The following ZBBX variants were observed in gnomAD, a reference collection of about 807,000 sequenced individuals.
ZBBX encodes zinc finger B-box domain containing.
A neutral mutation model predicts 108.5 loss-of-function variants in ZBBX; 101 were observed. The ratio of observed to expected loss-of-function variants is 0.93; its 90% CI spans 0.79 to 1.10. The LOEUF (loss-of-function observed/expected upper bound fraction) is 1.10, where lower values mean the gene tolerates loss of function less well. ZBBX is among the 50% of genes least tolerant of loss of function. The pLI, the probability that ZBBX is intolerant of heterozygous loss-of-function variation, is 0.00. For synonymous variants in ZBBX, 356 were observed against 323.4 expected (o/e 1.10, Z -1.08); for missense variants, 1,009 against 941.4 (o/e 1.07, Z -0.94).
downstream of ZBBX, among the ~76,000 whole-genome samples, chr3:167,238,178 C>T (rs943637630): frequency 6.6e-6 from 1 of 151,884 alleles, no homozygotes; most frequent in Non-Finnish European, 1.5e-5. Context: ...CTCATTTTAA[C>T]TATAGATACT....
intron 7 of ZBBX, 75 bp from the exon 8 acceptor site, chr3:167,360,054 C>A: frequency 1.4e-6 from 1 of 691,850 alleles, no homozygotes. Context: ...ATTAATGAAA[C>A]TATGCATACT....
the ZBBX span, among the ~76,000 whole-genome samples, chr3:167,215,930 T>C: frequency 1.3e-5 from 2 of 152,106 alleles, no homozygotes; most frequent in Non-Finnish European, 2.9e-5. Flanking sequence ...AATTCAACAT[T>C]GATTCATGTT....
At chr3:167,194,229 A>ATATATATAT in the ZBBX span, among the ~76,000 whole-genome samples, 2 of 139,820 alleles carry the variant, frequency 1.4e-5, no homozygotes, top group African/African-American at 5.1e-5. Context: ...ATATGTACTA[A>ATATATATAT]ATATATATAT....
intron 7 of ZBBX, 114 bp downstream of exon 7, chr3:167,360,561 G>T: frequency 1.8e-6 from 1 of 545,926 alleles, no homozygotes; most frequent in Non-Finnish European, 2.9e-6. Flanking sequence ...TGATTTGGGG[G>T]TTTAGAATCT....
chr3:167,284,819 T>C (rs1190296793), intron 19 of ZBBX, among the ~76,000 whole-genome samples: 1 of 152,148 alleles, frequency 6.6e-6, no homozygotes, highest in Non-Finnish European at 1.5e-5. Context: ...CTTGATTTTG[T>C]TTATTGTTCT....
Position 167,251,227 on chromosome 3 carries a change from A to T in ZBBX, c.2255-8584T>A, listed in dbSNP as rs555955344. 7.9e-5 allele frequency among the ~76,000 whole-genome samples: 12 copies of T among 152,120 alleles called. No individual in the cohort carries two copies. The East Asian group carries it at 1.4e-3, about 17-fold the overall frequency. On this transcript the variant is annotated intron_variant, in intron 20 of 21. Coordinates refer to ENST00000675490, the MANE Select transcript of ZBBX (RefSeq NM_001199201.2). Reference sequence around the variant, plus strand: ...CTACTTCTACTCAATAAAACTTTGCACTCATTCTCCAAGACCACGTGTGAT... The same window carrying T: ...CTACTTCTACTCAATAAAACTTTGCTCTCATTCTCCAAGACCACGTGTGAT...
At chr3:167,259,666 C>T (rs1030767229) in intron 20 of ZBBX, among the ~76,000 whole-genome samples, 2 of 151,956 alleles carry the variant, frequency 1.3e-5, no homozygotes, top group Non-Finnish European at 2.9e-5. Context: ...GGTTTTGATA[C>T]GTTGTGTCAT....
intron 2 of ZBBX, among the ~76,000 whole-genome samples, chr3:167,374,542 T>G (rs1746647422): frequency 6.6e-6 from 1 of 152,214 alleles, no homozygotes; most frequent in Non-Finnish European, 1.5e-5. Context: ...CATTTGATGC[T>G]GTCATTTATA....
chr3:167,370,934 A>C (rs1746067096), intron 4 of ZBBX, among the ~76,000 whole-genome samples: 1 of 152,198 alleles, frequency 6.6e-6, no homozygotes, highest in African/African-American at 2.4e-5. Context: ...ATTTCTAATC[A>C]ACAAAACAAA....
intron 1 of ZBBX, among the ~76,000 whole-genome samples, chr3:167,386,715 C>A (rs778803215): frequency 2.0e-5 from 3 of 151,984 alleles, no homozygotes; most frequent in Non-Finnish European, 2.9e-5. Context: ...AAAAAGCTGG[C>A]ATTTCAGAGA....
the ZBBX span, among the ~76,000 whole-genome samples, chr3:167,184,078 T>C: frequency 1.3e-5 from 2 of 152,144 alleles, no homozygotes; most frequent in Admixed American, 6.6e-5. Context: ...TGATTATCAA[T>C]AAACACGTGA....
At chr3:167,390,358 T>C (rs1748049683) in intron 1 of ZBBX, among the ~76,000 whole-genome samples, 1 of 152,252 alleles carries the variant, frequency 6.6e-6, no homozygotes. Flanking sequence ...GCTGTTTTGG[T>C]TACCATAGCC....
chr3:167,208,450 TG>T, the ZBBX span, among the ~76,000 whole-genome samples: 4 of 152,222 alleles, frequency 2.6e-5, no homozygotes, highest in African/African-American at 9.6e-5. Flanking sequence ...CAGAGGGCTT[TG>T]TTTTGCAACT....
chr3:167,210,884 C>T, the ZBBX span, among the ~76,000 whole-genome samples: 1 of 152,086 alleles, frequency 6.6e-6, no homozygotes. Context: ...CAGATTTCAT[C>T]AACTCCAGCT....
chr3:167,231,340 G>T, the ZBBX span, among the ~76,000 whole-genome samples: 1 of 151,792 alleles, frequency 6.6e-6, no homozygotes, highest in Non-Finnish European at 1.5e-5. Context: ...AGCAGTCAGT[G>T]AAATAAAAGC....
chr3:167,284,190 A>C lies in ZBBX; in HGVS notation c.1997-1695T>G, dbSNP rs963414039. Among the ~76,000 whole-genome samples the C allele has an allele frequency of 8.8e-5, 13 of 147,176 alleles. No individual in the cohort carries two copies. In the South Asian group the frequency reaches 1.9e-3, roughly 22 times the overall value. ...CTAAGTGTTAAAAACATATATCTAT[A>C]TCTATATATATATATAATTATCCCT... is the stretch of plus-strand genomic sequence containing the variant. On this transcript the variant is annotated intron_variant, in intron 19 of 21. Transcript: ENST00000675490.
intron 5 of ZBBX, chr3:167,367,044 T>C: frequency 2.8e-6 from 1 of 360,452 alleles, no homozygotes; most frequent in Non-Finnish European, 5.6e-6. Context: ...CTACTGAAAG[T>C]ATAATGAACA....
At chr3:167,220,907 T>G in the ZBBX span, among the ~76,000 whole-genome samples, 1 of 152,012 alleles carries the variant, frequency 6.6e-6, no homozygotes, top group East Asian at 1.9e-4. Flanking sequence ...TCAATAGCAT[T>G]TCTGTATGCC....
intron 19 of ZBBX, among the ~76,000 whole-genome samples, chr3:167,287,810 AT>A (rs1729958816): frequency 6.6e-6 from 1 of 152,252 alleles, no homozygotes; most frequent in Non-Finnish European, 1.5e-5. Context: ...AGCCAAAAAA[AT>A]CATAAATACA....
Sources: gnomAD v4.1 joint callset for allele counts (sites outside exome capture counted in the v4.1 genomes callset) on GRCh38, gnomAD v4.1.1 for gene constraint, MANE v1.5 for transcripts, NCBI Gene and HGNC (gene_info 2026-07-23, HGNC 2026-07-21) for gene names.